Variants in MAML3 observed in about 807,000 individuals in gnomAD.
The protein encoded by MAML3 is mastermind like transcriptional coactivator 3, also known as mastermind-like protein 3.
A neutral mutation model predicts 101.9 loss-of-function variants in MAML3; 27 were observed. The ratio of observed to expected loss-of-function variants is 0.27; its 90% CI spans 0.20 to 0.37. MAML3 has a LOEUF of 0.37. MAML3 is among the 10% of genes least tolerant of loss of function. The probability of loss-of-function intolerance (pLI) is 1.00; values close to 1 mark genes in which losing one functional copy is unlikely to be tolerated. For missense variants in MAML3, 1,316 were observed against 1,444.9 expected, an observed-to-expected ratio of 0.91 and a Z score of 1.45; for synonymous variants, 501 against 555.9, an observed-to-expected ratio of 0.90 and a Z score of 1.39.
intron 1 of MAML3, among the ~76,000 whole-genome samples, chr4:140,060,365 C>CAAAA (rs70943471): frequency 0.089 from 1,708 of 19,094 alleles, 454 homozygotes; most frequent in Middle Eastern, 0.58. Flanking sequence ...GACTCTGTCT[C>CAAAA]AAAAAAAAAA....
chr4:140,072,272 A>T (rs1044081150), intron 1 of MAML3, among the ~76,000 whole-genome samples: 4 of 152,236 alleles, frequency 2.6e-5, no homozygotes, highest in Non-Finnish European at 5.9e-5. Flanking sequence ...TGTACTGAAC[A>T]TGTACAGACT....
intron 1 of MAML3, among the ~76,000 whole-genome samples, chr4:140,127,058 C>CT (rs1205927037): frequency 1.3e-5 from 2 of 152,214 alleles, no homozygotes; most frequent in Non-Finnish European, 2.9e-5. Flanking sequence ...ACATCACACC[C>CT]TCGTTTATAA....
At chr4:139,889,219 C>A in intron 2 of MAML3, 138 bp downstream of exon 2, 1 of 1,514,724 alleles carries the variant, frequency 6.6e-7, no homozygotes, top group African/African-American at 1.4e-5. Flanking sequence ...CAAACCTGGC[C>A]ACTACCTGAG....
At chr4:139,720,688 T>C (rs888426168) in intron 4 of MAML3, among the ~76,000 whole-genome samples, 23 of 152,246 alleles carry the variant, frequency 1.5e-4, no homozygotes, top group Non-Finnish European at 3.1e-4. Flanking sequence ...AATTCTTGTT[T>C]ATACTTCAGA....
intron 2 of MAML3, among the ~76,000 whole-genome samples, chr4:139,781,128 A>G (rs180753328): frequency 6.6e-6 from 1 of 152,292 alleles, no homozygotes; most frequent in East Asian, 1.9e-4. Context: ...ATTGTGTATT[A>G]TAAATTCTTA....
intron 2 of MAML3, among the ~76,000 whole-genome samples, chr4:139,753,600 GA>G (rs1406159614): frequency 6.6e-6 from 1 of 152,054 alleles, no homozygotes; most frequent in Non-Finnish European, 1.5e-5. Flanking sequence ...TAAGTGAAGG[GA>G]AAAATATCTG....
intron 2 of MAML3, among the ~76,000 whole-genome samples, chr4:139,883,207 C>T (rs975376753): frequency 5.3e-5 from 8 of 151,884 alleles, no homozygotes; most frequent in Admixed American, 2.6e-4. Flanking sequence ...GAAGGAAAGA[C>T]GGAGGGAGGG....
At chr4:140,140,683 C>T (rs1346632230) in intron 1 of MAML3, among the ~76,000 whole-genome samples, 1 of 152,194 alleles carries the variant, frequency 6.6e-6, no homozygotes, top group Non-Finnish European at 1.5e-5. Flanking sequence ...TAGAGAATGA[C>T]ATATAAAGTT....
At chr4:139,763,454 A>G (rs989421461) in intron 2 of MAML3, among the ~76,000 whole-genome samples, 1 of 152,206 alleles carries the variant, frequency 6.6e-6, no homozygotes, top group African/African-American at 2.4e-5. Flanking sequence ...GTATTCAAAC[A>G]TGTGAGTTCC....
chr4:139,980,024 A>G (rs1027211272), intron 1 of MAML3, among the ~76,000 whole-genome samples: 1 of 152,096 alleles, frequency 6.6e-6, no homozygotes, highest in Non-Finnish European at 1.5e-5. Flanking sequence ...TCTCTGGACT[A>G]TCTTACTATC....
At chr4:140,120,347 CATA>C (rs1310720402) in intron 1 of MAML3, among the ~76,000 whole-genome samples, 1 of 151,750 alleles carries the variant, frequency 6.6e-6, no homozygotes, top group Admixed American at 6.6e-5. Context: ...CTACTGATAC[CATA>C]TACAAAAAGC....
At chr4:139,723,418 C>A (rs1728336981) in intron 4 of MAML3, among the ~76,000 whole-genome samples, 1 of 152,204 alleles carries the variant, frequency 6.6e-6, no homozygotes, top group Non-Finnish European at 1.5e-5. Context: ...TCAAGCAATT[C>A]TCCTGCCCCA....
intron 1 of MAML3, among the ~76,000 whole-genome samples, chr4:140,151,218 A>AG (rs1300918513): frequency 6.9e-6 from 1 of 145,160 alleles, no homozygotes; most frequent in African/African-American, 2.6e-5. Context: ...GAGGAAGGGG[A>AG]GGGGGAGGAG....
At chr4:139,925,152 C>T (rs552122389) in intron 1 of MAML3, among the ~76,000 whole-genome samples, 1 of 152,170 alleles carries the variant, frequency 6.6e-6, no homozygotes, top group South Asian at 2.1e-4. Flanking sequence ...TTTCATTAAC[C>T]ATCCCGAGAA....
intron 2 of MAML3, among the ~76,000 whole-genome samples, chr4:139,764,314 T>TGCCC (rs1729811491): frequency 6.6e-6 from 1 of 152,190 alleles, no homozygotes; most frequent in South Asian, 2.1e-4. Flanking sequence ...TGCTCACCAA[T>TGCCC]GCCCGGCTGG....
intron 1 of MAML3, among the ~76,000 whole-genome samples, chr4:140,117,248 A>T (rs1015440275): frequency 5.9e-5 from 9 of 152,122 alleles, no homozygotes; most frequent in Admixed American, 5.2e-4. Context: ...GTTCCTAATT[A>T]TATTGATCCA....
At chr4:139,937,782 T>C (rs887725915) in intron 1 of MAML3, among the ~76,000 whole-genome samples, 2 of 152,206 alleles carry the variant, frequency 1.3e-5, no homozygotes, top group African/African-American at 2.4e-5. Context: ...CCTTCTCTAA[T>C]GTGTCTCTTC....
chr4:139,748,906 A>C (rs2111036654), intron 2 of MAML3, among the ~76,000 whole-genome samples: 4 of 152,258 alleles, frequency 2.6e-5, no homozygotes, highest in Admixed American at 2.6e-4. Flanking sequence ...AGCCTCTCTT[A>C]GGGGCTCCTC....
chr4:139,860,212 C>T (rs1455478), intron 2 of MAML3, among the ~76,000 whole-genome samples: 3 of 152,106 alleles, frequency 2.0e-5, no homozygotes, highest in African/African-American at 4.8e-5. Flanking sequence ...CGCTTCCATG[C>T]GGATCCTGCG....
Sources: gnomAD v4.1 joint callset for allele counts (sites outside exome capture counted in the v4.1 genomes callset) on GRCh38, gnomAD v4.1.1 for gene constraint, MANE v1.5 for transcripts, NCBI Gene and HGNC (gene_info 2026-07-23, HGNC 2026-07-21) for gene names.